Variants in SPECC1 observed in about 807,000 individuals in gnomAD.
SPECC1 encodes sperm antigen with calponin homology and coiled-coil domains 1.
A neutral mutation model predicts 104.1 loss-of-function variants in SPECC1; 62 were observed. The observed-to-expected ratio is 0.60, with a 90% CI of 0.49 to 0.74. SPECC1 has a LOEUF of 0.74. Ranked by LOEUF, SPECC1 falls within the 30% of genes least tolerant of loss-of-function variation. The pLI is 0.00. For missense variants in SPECC1, 1,306 were observed against 1,310.5 expected (o/e 1.00, Z 0.05); for synonymous variants, 513 against 501.6 (o/e 1.02, Z -0.30).
chr17:20,232,964 T>G (rs1442747645), intron 7 of SPECC1, among the ~76,000 whole-genome samples: 2 of 152,214 alleles, frequency 1.3e-5, no homozygotes, highest in Non-Finnish European at 2.9e-5. Context: ...CATTCCCTTC[T>G]GCTCTTGATG....
chr17:20,077,145 A>G (rs1188750310), intron 1 of SPECC1, among the ~76,000 whole-genome samples: 4 of 152,152 alleles, frequency 2.6e-5, no homozygotes, highest in African/African-American at 9.7e-5. Context: ...TATGTAGTCA[A>G]ATTGGTTTCA....
At chr17:20,290,334 A>G (rs2041121003) in intron 12 of SPECC1, 1 of 147,760 alleles carries the variant, frequency 6.8e-6, no homozygotes, top group Admixed American at 6.7e-5. Context: ...CAAGGAAAAC[A>G]AAAAAATAAC....
Position 20,318,521 on chromosome 17 carries a change from A to G in SPECC1, c.*4456A>G, listed in dbSNP as rs1261121441. On this transcript the variant is annotated 3_prime_UTR_variant, in exon 15 of 15. Transcript: ENST00000395527. ...CCATGTTCTCTTCCCTGCTGCCCAC[A>G]AACGTTACGGAGACTCCCTTAGCCT... 4.3e-6 allele frequency: 1 copy of G among 231,116 alleles called. No homozygotes were observed. The highest frequency in any genetic ancestry group is 1.8e-4 in the South Asian group (1 of 5,502). The allele number at this position is 231,116 out of a possible 1,614,324, so 14.3% of individuals were successfully genotyped here.
At position 20,316,162 on chromosome 17, in the gene SPECC1, G is replaced by A; in HGVS notation, c.*2097G>A. ...CTTCTGCTGATTCAGGCACTTGTTT[G>A]AAGCATTTTTTTTTTATTAACCCTG... On this transcript the variant is annotated 3_prime_UTR_variant, in exon 15 of 15. Transcript: ENST00000395527. 1 of 231,402 alleles carries A rather than the reference G, an allele frequency of 4.3e-6. No individual in the cohort carries two copies. The highest frequency in any genetic ancestry group is 2.2e-5 in the African/African-American group (1 of 45,318). 14.3% of individuals were successfully genotyped at this position (231,402 alleles called of 1,614,324 possible).
chr17:20,301,108 G>A (rs2041562029), intron 13 of SPECC1, among the ~76,000 whole-genome samples: 1 of 152,172 alleles, frequency 6.6e-6, no homozygotes, highest in African/African-American at 2.4e-5. Context: ...TGCCCTGGGG[G>A]ATGCTGGCGT....
At chr17:20,085,559 G>A (rs766856379) in intron 1 of SPECC1, among the ~76,000 whole-genome samples, 2 of 152,186 alleles carry the variant, frequency 1.3e-5, no homozygotes, top group Non-Finnish European at 1.5e-5. Context: ...TGCTAGAAGC[G>A]ATTGATGCTG....
intron 7 of SPECC1, among the ~76,000 whole-genome samples, chr17:20,241,368 G>A (rs1198084158): frequency 6.6e-6 from 1 of 152,138 alleles, no homozygotes; most frequent in Non-Finnish European, 1.5e-5. Context: ...GGCCTTCTCG[G>A]ATGTAAATTC....
chr17:20,192,581 A>C (rs1216567345), intron 3 of SPECC1, among the ~76,000 whole-genome samples: 2 of 152,068 alleles, frequency 1.3e-5, no homozygotes, highest in Admixed American at 6.6e-5. Flanking sequence ...TATCTTTGAC[A>C]CCCTGTTTGT....
Position 20,088,379 on chromosome 17 carries a change from G to A in SPECC1, c.-21-8252G>A, listed in dbSNP as rs116797678. ...TGGGCATTAAGTGGTAGGCAAGAAG[G>A]GGCAAGAGCAGAAGCCAAGAGCCAG... is the stretch of plus-strand genomic sequence containing the variant. On this transcript the variant is annotated intron_variant, in intron 1 of 14. Coordinates refer to ENST00000395527, the MANE Select transcript of SPECC1 (RefSeq NM_001243439.2). 7.5e-3 allele frequency among the ~76,000 whole-genome samples: 1,136 copies of A among 152,272 alleles called. 16 individuals carry two copies. Among genetic ancestry groups the A allele is most frequent in the African/African-American group, 0.025 (1,025 of 41,532 alleles).
intron 4 of SPECC1, among the ~76,000 whole-genome samples, chr17:20,224,492 G>T (rs1167485885): frequency 6.6e-6 from 1 of 152,204 alleles, no homozygotes; most frequent in African/African-American, 2.4e-5. Flanking sequence ...CTGGGGCCTG[G>T]AGTCAGCAGC....
chr17:20,151,724 C>A (rs1277952795), intron 3 of SPECC1, among the ~76,000 whole-genome samples: 1 of 152,198 alleles, frequency 6.6e-6, no homozygotes, highest in Non-Finnish European at 1.5e-5. Flanking sequence ...GTGTGACTGC[C>A]ACAACCTGAC....
chr17:20,236,494 A>G (rs1180454687), intron 7 of SPECC1, among the ~76,000 whole-genome samples: 1 of 152,240 alleles, frequency 6.6e-6, no homozygotes, highest in East Asian at 1.9e-4. Context: ...TGCAGTTATA[A>G]AAGCAAGAAG....
chr17:20,270,047 C>G (rs887411316), intron 12 of SPECC1, among the ~76,000 whole-genome samples: 20 of 151,998 alleles, frequency 1.3e-4, no homozygotes, highest in Non-Finnish European at 2.5e-4. Context: ...TAAGAAATAT[C>G]CAGAATAGGC....
chr17:20,158,722 C>T (rs79956627), intron 3 of SPECC1, among the ~76,000 whole-genome samples: 1,614 of 152,340 alleles, frequency 0.011, 27 homozygotes, highest in African/African-American at 0.037. Flanking sequence ...TGTCAGCCCT[C>T]TGCAGTCCTT....
intron 2 of SPECC1, among the ~76,000 whole-genome samples, chr17:20,099,116 C>T (rs1050544097): frequency 1.3e-5 from 2 of 152,134 alleles, no homozygotes; most frequent in African/African-American, 4.8e-5. Context: ...GTAACACCTT[C>T]TTTGTCATAA....
At chr17:20,151,465 G>A (rs550264261) in intron 3 of SPECC1, among the ~76,000 whole-genome samples, 1 of 152,222 alleles carries the variant, frequency 6.6e-6, no homozygotes, top group Admixed American at 6.5e-5. Context: ...ATGGGTTATT[G>A]GGACGTAACC....
rs767354609 is a variant in SPECC1 at position 20,166,363 on chromosome 17, C to T, written c.284-37970C>T. ...ATCTATTCTAAGGCCAGGAAGAAAA[C>T]GTCATTACTGTTGTTCAAGGGAAAT... On this transcript the variant is annotated intron_variant, in intron 3 of 14. Coordinates refer to ENST00000395527, the MANE Select transcript of SPECC1 (RefSeq NM_001243439.2). Among the ~76,000 whole-genome samples, 104 of 152,066 alleles carry T rather than the reference C, an allele frequency of 6.8e-4. 1 individual carries two copies. Among genetic ancestry groups the T allele is most frequent in the Non-Finnish European group, 1.3e-3 (86 of 68,016 alleles).
chr17:20,048,768 T>C (rs1201214634), intron 1 of SPECC1, among the ~76,000 whole-genome samples: 1 of 151,702 alleles, frequency 6.6e-6, no homozygotes, highest in African/African-American at 2.4e-5. Context: ...GGCACGTGCC[T>C]GTAGTCCCAG....
intron 12 of SPECC1, among the ~76,000 whole-genome samples, chr17:20,263,697 C>T (rs2040113437): frequency 6.6e-6 from 1 of 152,118 alleles, no homozygotes; most frequent in African/African-American, 2.4e-5. Flanking sequence ...TCCACTGATG[C>T]CGCCTGTGCT....
Sources: allele counts gnomAD v4.1 joint callset (sites outside exome capture counted in the v4.1 genomes callset), GRCh38; gene constraint gnomAD v4.1.1; transcripts MANE v1.5; gene names NCBI Gene and HGNC (gene_info 2026-07-23, HGNC 2026-07-21).